Variants in CIT observed in about 807,000 individuals in gnomAD.
CIT encodes the protein citron Rho-interacting kinase.
In CIT, 79 loss-of-function variants were observed where a neutral mutation model predicts 272.7. The ratio of observed to expected loss-of-function variants is 0.29; its 90% CI spans 0.24 to 0.35. CIT has a LOEUF of 0.35. Ranked by LOEUF, CIT falls within the 10% of genes least tolerant of loss-of-function variation. The probability of loss-of-function intolerance (pLI) is 1.00; values close to 1 mark genes in which losing one functional copy is unlikely to be tolerated. For missense variants in CIT, 1,909 were observed against 2,618.3 expected (o/e 0.73, Z 5.91); for synonymous variants, 948 against 995.6 (o/e 0.95, Z 0.90).
chr12:119,723,781 G>A (rs1957939773), intron 28 of CIT, among the ~76,000 whole-genome samples: 2 of 152,210 alleles, frequency 1.3e-5, no homozygotes, highest in South Asian at 4.1e-4. Context: ...AGGGCAGGTA[G>A]TGATTTAACA....
Position 119,768,778 on chromosome 12 carries a change from A to G in CIT, c.2209-1596T>C, listed in dbSNP as rs1190411370. On this transcript the variant is annotated intron_variant, in intron 18 of 47. Coordinates refer to ENST00000392521, the MANE Select transcript of CIT (RefSeq NM_001206999.2). The surrounding 1 kb of genome is among the most constrained non-coding windows in gnomAD (Gnocchi z 4.3). ...TTCTTTTACTAAGGCCAAGGACTCT[A>G]CTGTACTGACTGTACCATTATCTGT... Among the ~76,000 whole-genome samples the G allele has an allele frequency of 6.6e-6, 1 of 152,256 alleles. No homozygotes were observed. Among genetic ancestry groups the G allele is most frequent in the African/African-American group, 2.4e-5 (1 of 41,472 alleles).
chr12:119,741,659 C>T (rs1055243502), intron 24 of CIT, among the ~76,000 whole-genome samples: 1 of 151,990 alleles, frequency 6.6e-6, no homozygotes, highest in African/African-American at 2.4e-5. Context: ...ATAATACAAA[C>T]AAGGACAAGA....
intron 13 of CIT, among the ~76,000 whole-genome samples, chr12:119,778,351 A>G (rs1963971642): frequency 6.6e-6 from 1 of 152,246 alleles, no homozygotes; most frequent in Non-Finnish European, 1.5e-5. Context: ...ATCAAGGCTA[A>G]GTATAAGGAT....
At chr12:119,871,202 G>T (rs1796655904) in intron 2 of CIT, among the ~76,000 whole-genome samples, 1 of 151,808 alleles carries the variant, frequency 6.6e-6, no homozygotes, top group East Asian at 1.9e-4. Flanking sequence ...AAACACTAAG[G>T]TGCCCCAGCC....
At chr12:119,719,612 GC>G (rs1342350351) in intron 30 of CIT, among the ~76,000 whole-genome samples, 2 of 152,166 alleles carry the variant, frequency 1.3e-5, no homozygotes, top group African/African-American at 2.4e-5. Context: ...TTGTGCTCAT[GC>G]CCTTACAGCG....
intron 3 of CIT, among the ~76,000 whole-genome samples, chr12:119,863,934 G>C (rs1294720742): frequency 6.6e-6 from 1 of 151,922 alleles, no homozygotes; most frequent in Non-Finnish European, 1.5e-5. Context: ...TTTGAAGCAG[G>C]GAGCCATCAC....
chr12:119,858,186 T>C (rs939537314), intron 3 of CIT, among the ~76,000 whole-genome samples: 5 of 152,128 alleles, frequency 3.3e-5, no homozygotes, highest in African/African-American at 9.7e-5. Flanking sequence ...ATTGTATCCA[T>C]AAAGCCTTCG....
chr12:119,750,033 C>T lies in CIT; in HGVS notation c.2904+2017G>A, dbSNP rs187574021. 5.4e-4 allele frequency among the ~76,000 whole-genome samples: 83 copies of T among 152,296 alleles called. 1 individual carries two copies. Among genetic ancestry groups the T allele is most frequent in the African/African-American group, 1.8e-3 (76 of 41,562 alleles). ...TGAAATAAACGGATTTGAGGAATTA[C>T]AGACCAATCCCCTGGGGAGAAAAAG... is the stretch of plus-strand genomic sequence containing the variant. On this transcript the variant is annotated intron_variant, in intron 23 of 47. Transcript: ENST00000392521.
intron 7 of CIT, among the ~76,000 whole-genome samples, chr12:119,831,200 A>T (rs1968602004): frequency 6.6e-6 from 1 of 152,192 alleles, no homozygotes. Context: ...GCATTATTTT[A>T]ACTTTTTTTC....
chr12:119,848,651 G>A (rs561720637), intron 5 of CIT, among the ~76,000 whole-genome samples: 2 of 152,310 alleles, frequency 1.3e-5, no homozygotes, highest in South Asian at 4.1e-4. Flanking sequence ...ACTGGTGAAA[G>A]GCAACAGCAA....
chr12:119,763,572 C>T (rs1323929067), intron 19 of CIT, among the ~76,000 whole-genome samples: 4 of 152,172 alleles, frequency 2.6e-5, no homozygotes, highest in South Asian at 2.1e-4. Flanking sequence ...ATAACGCCAG[C>T]GGTAAAAGAT....
At position 119,782,561 on chromosome 12, in the gene CIT, T is replaced by C; in HGVS notation, c.1622A>G (p.Asp541Gly). 6.2e-7 allele frequency: 1 copy of C among 1,614,188 alleles called. No individual in the cohort carries two copies. The highest frequency in any genetic ancestry group is 1.3e-5 in the African/African-American group (1 of 75,040). ...GAGCTTCCGGCTCTGCTCTCTGATA[T>C]CATGGAGAAGCTGCAGTGCTTTGTC... The part of the protein sequence containing the change: ...EDDKALQLLH[D>G]IREQSRKLQE... The change falls in exon 13 of 48, where the codon GAT becomes GGT. Residue 541 changes from aspartate to glycine, a missense_variant. By Grantham distance (94) the Asp-to-Gly change is moderately conservative. Around this residue, in one of 8 missense-constraint regions of CIT, gnomAD observed 19 missense variants for 21.4 expected, o/e 0.89. Coordinates refer to ENST00000392521, the MANE Select transcript of CIT (RefSeq NM_001206999.2).
chr12:119,809,054 G>A (rs1966757554), intron 9 of CIT, among the ~76,000 whole-genome samples: 1 of 152,154 alleles, frequency 6.6e-6, no homozygotes, highest in South Asian at 2.1e-4. Context: ...TGTCACGGAG[G>A]GGATTTAATC....
intron 3 of CIT, 21 bp downstream of exon 3, chr12:119,869,039 G>T: frequency 2.5e-6 from 4 of 1,608,818 alleles, no homozygotes; most frequent in Non-Finnish European, 3.4e-6. Flanking sequence ...CAGTTTTCAA[G>T]AAAAAGTTCC....
chr12:119,734,075 C>T lies in CIT; in HGVS notation c.3350+89G>A, dbSNP rs148287133. On this transcript the variant is annotated intron_variant, in intron 26 of 47. Transcript: ENST00000392521. Reference sequence around the variant, plus strand: ...GACCCAGGAAACTTCTCAGTCTCGGCGGGAATAGCTGATCACCCTGTCCAC... The same window carrying T: ...GACCCAGGAAACTTCTCAGTCTCGGTGGGAATAGCTGATCACCCTGTCCAC... The T allele has an allele frequency of 3.6e-4, 495 of 1,371,596 alleles. 2 individuals are homozygous for T. In the East Asian group the frequency reaches 0.01, roughly 28 times the overall value. 85.0% of individuals were successfully genotyped at this position (1,371,596 alleles called of 1,614,324 possible).
intron 19 of CIT, among the ~76,000 whole-genome samples, chr12:119,766,405 A>C (rs1354848903): frequency 6.6e-6 from 1 of 152,202 alleles, no homozygotes; most frequent in Non-Finnish European, 1.5e-5. Context: ...ACATATTCTC[A>C]CTTATTTGTG....
Position 119,713,099 on chromosome 12 carries a change from T to C in CIT, c.4579+104A>G, listed in dbSNP as rs2285594. 51,889 of 821,340 alleles carry C rather than the reference T, an allele frequency of 0.063. 5,289 individuals are homozygous for C. The highest frequency in any genetic ancestry group is 0.39 in the African/African-American group (22,882 of 58,326). The allele number at this position is 821,340 out of a possible 1,614,324, so 50.9% of individuals were successfully genotyped here. A position where few individuals can be genotyped will look rare whatever the true frequency, so the allele number is the denominator to read the frequency against. ...TGTAAGTTTCAAAAATGGAAAAGCGTAGAAGGCTTGCAAGGCAGTCCAAAA... is the reference window on the plus strand; with the variant it reads ...TGTAAGTTTCAAAAATGGAAAAGCGCAGAAGGCTTGCAAGGCAGTCCAAAA... On this transcript the variant is annotated intron_variant, in intron 35 of 47. Transcript: ENST00000392521. This position sits in a 1 kb window ranked among gnomAD's most constrained non-coding sequence, Gnocchi z 5.2.
chr12:119,857,818 T>G lies in CIT; in HGVS notation c.239-120A>C. ...TAGCTTCCCTCACTGTCAAAGACATTCACTTTCTCATCCATCATGAATAAT... is the reference window on the plus strand; with the variant it reads ...TAGCTTCCCTCACTGTCAAAGACATGCACTTTCTCATCCATCATGAATAAT... On this transcript the variant is annotated intron_variant, in intron 3 of 47. Transcript: ENST00000392521. 4.6e-6 allele frequency: 4 copies of G among 863,436 alleles called. No individual in the cohort carries two copies. In the South Asian group the frequency reaches 7.3e-5, roughly 16 times the overall value. The allele number at this position is 863,436 out of a possible 1,614,324, so 53.5% of individuals were successfully genotyped here.
intron 40 of CIT, among the ~76,000 whole-genome samples, chr12:119,705,771 CAAAAAAAAA>C (rs148188101): frequency 2.1e-4 from 10 of 46,618 alleles, no homozygotes; most frequent in Admixed American, 4.4e-4. Context: ...GACTCTGTCT[CAAAAAAAAA>C]AAAAAAAAAA....
Sources: allele counts gnomAD v4.1 joint callset (sites outside exome capture counted in the v4.1 genomes callset), GRCh38; gene constraint gnomAD v4.1.1; regional missense constraint gnomAD v4.1.1; non-coding constraint Gnocchi (gnomAD v3.1); transcripts MANE v1.5; gene names NCBI Gene and HGNC (gene_info 2026-07-23, HGNC 2026-07-21).